ARHGAP32: variants seen among roughly 807,000 people sequenced by gnomAD.
ARHGAP32 encodes the protein Rho GTPase activating protein 32.
In ARHGAP32, 51 loss-of-function variants were observed where a neutral mutation model predicts 186.5. The observed-to-expected ratio is 0.27, with a 90% confidence interval of 0.22 to 0.35. The LOEUF (loss-of-function observed/expected upper bound fraction) is 0.35, where lower values mean the gene tolerates loss of function less well. ARHGAP32 is among the 10% of genes least tolerant of loss of function. ARHGAP32 has a pLI of 1.00. For missense variants in ARHGAP32, 2,186 were observed against 2,623.5 expected (o/e 0.83, Z 3.64); for synonymous variants, 950 against 964.3 (o/e 0.99, Z 0.27).
intron 6 of ARHGAP32, among the ~76,000 whole-genome samples, chr11:129,069,693 T>G (rs1238985073): frequency 2.0e-5 from 3 of 152,160 alleles, no homozygotes; most frequent in Non-Finnish European, 2.9e-5. Flanking sequence ...TGGTGATCAT[T>G]CACTTATGTT....
chr11:129,078,951 T>C (rs2135211196), intron 6 of ARHGAP32, among the ~76,000 whole-genome samples: 1 of 149,800 alleles, frequency 6.7e-6, no homozygotes, highest in South Asian at 2.1e-4. Context: ...AAGACACACT[T>C]AGAGAAATGC....
chr11:129,181,561 A>T (rs1944054025), intron 1 of ARHGAP32, among the ~76,000 whole-genome samples: 1 of 152,196 alleles, frequency 6.6e-6, no homozygotes, highest in Non-Finnish European at 1.5e-5. Context: ...CTCTTAAAAT[A>T]CAGGAACTCT....
intron 13 of ARHGAP32, among the ~76,000 whole-genome samples, 184 bp from the exon 14 acceptor site, chr11:128,986,852 C>T (rs566521753): frequency 6.6e-6 from 1 of 152,236 alleles, no homozygotes; most frequent in East Asian, 1.9e-4. Context: ...TGTCTTAGTA[C>T]AAGATAGATG....
intron 5 of ARHGAP32, among the ~76,000 whole-genome samples, chr11:129,116,610 A>T (rs529224159): frequency 2.2e-4 from 34 of 152,192 alleles, no homozygotes; most frequent in African/African-American, 7.2e-4. Context: ...CTTCTGTATA[A>T]GATTTTTTTA....
intron 2 of ARHGAP32, among the ~76,000 whole-genome samples, chr11:129,132,544 C>T (rs920233052): frequency 6.6e-6 from 1 of 151,568 alleles, no homozygotes. Context: ...GTTGAAAACA[C>T]CACCTATAAA....
chr11:129,076,723 A>G (rs997358017), intron 6 of ARHGAP32, among the ~76,000 whole-genome samples: 1 of 152,194 alleles, frequency 6.6e-6, no homozygotes, highest in Non-Finnish European at 1.5e-5. Context: ...GCATCAGAAA[A>G]GAAGAGAGGA....
chr11:129,158,817 A>T (rs188094171), intron 2 of ARHGAP32, among the ~76,000 whole-genome samples: 1 of 152,272 alleles, frequency 6.6e-6, no homozygotes, highest in African/African-American at 2.4e-5. Context: ...TGGAAGTAAA[A>T]CACTCCTCAG....
intron 1 of ARHGAP32, among the ~76,000 whole-genome samples, chr11:129,263,490 C>A (rs982825810): frequency 1.1e-4 from 17 of 151,260 alleles, no homozygotes; most frequent in Non-Finnish European, 2.5e-4. Context: ...CCATCACTAT[C>A]ATTAGGGAAA....
At chr11:129,201,543 T>G (rs1200911363) in intron 1 of ARHGAP32, among the ~76,000 whole-genome samples, 2 of 152,196 alleles carry the variant, frequency 1.3e-5, no homozygotes, top group African/African-American at 4.8e-5. Context: ...CAGAGTGTGA[T>G]TCTACTATTT....
intron 10 of ARHGAP32, among the ~76,000 whole-genome samples, chr11:129,052,820 T>C (rs1460818310): frequency 6.6e-6 from 1 of 152,126 alleles, no homozygotes; most frequent in Non-Finnish European, 1.5e-5. Context: ...CTCCTTTATA[T>C]CTGAAAATTT....
intron 2 of ARHGAP32, among the ~76,000 whole-genome samples, chr11:129,157,241 C>CAGA (rs1943429466): frequency 1.3e-5 from 2 of 152,022 alleles, no homozygotes; most frequent in Admixed American, 6.5e-5. Flanking sequence ...GACGAATTGA[C>CAGA]AGAAGCAGGC....
intron 19 of ARHGAP32, among the ~76,000 whole-genome samples, chr11:128,978,382 G>A (rs1224499665): frequency 6.6e-6 from 1 of 151,998 alleles, no homozygotes; most frequent in Non-Finnish European, 1.5e-5. Context: ...ACCTTCTTTA[G>A]TTAAAAGAGT....
intron 10 of ARHGAP32, among the ~76,000 whole-genome samples, chr11:129,046,951 C>T (rs1007324864): frequency 2.6e-5 from 4 of 151,826 alleles, no homozygotes; most frequent in African/African-American, 7.3e-5. Context: ...GGTGAAACCC[C>T]GTCTCTACTA....
At chr11:129,234,876 T>C (rs1944907706) in intron 1 of ARHGAP32, among the ~76,000 whole-genome samples, 1 of 152,142 alleles carries the variant, frequency 6.6e-6, no homozygotes, top group African/African-American at 2.4e-5. Flanking sequence ...CAATCCCTAT[T>C]TCACCATTCC....
rs369366318 is a variant in ARHGAP32 at position 129,205,640 on chromosome 11, G to A, written c.-4-41213C>T. Among the ~76,000 whole-genome samples the A allele has an allele frequency of 7.9e-5, 12 of 152,104 alleles. No homozygotes were observed. In the East Asian group the frequency reaches 1.7e-3, roughly 22 times the overall value. ...TTGTTGAAGTAATTACATGAAACAG[G>A]ATAAAGTCCTATATAGATGTTCAAA... On this transcript the variant is annotated intron_variant, in intron 1 of 6. Coordinates refer to the ARHGAP32 transcript ENST00000525234.
At chr11:129,045,864 T>C (rs1939784802) in intron 10 of ARHGAP32, among the ~76,000 whole-genome samples, 1 of 151,890 alleles carries the variant, frequency 6.6e-6, no homozygotes, top group South Asian at 2.1e-4. Flanking sequence ...CCCATGACGG[T>C]AAAGAAGTAG....
At chr11:129,217,939 T>C (rs1433929486) in intron 1 of ARHGAP32, among the ~76,000 whole-genome samples, 2 of 152,010 alleles carry the variant, frequency 1.3e-5, no homozygotes, top group Admixed American at 6.6e-5. Flanking sequence ...ACCTGCAAAA[T>C]TGGACTAATA....
chr11:129,197,796 A>C (rs1430806320), intron 1 of ARHGAP32, among the ~76,000 whole-genome samples: 1 of 152,140 alleles, frequency 6.6e-6, no homozygotes, highest in African/African-American at 2.4e-5. Context: ...TTTTTATAAC[A>C]ATCATTTTTG....
chr11:129,099,099 GA>G (rs1311765161), intron 5 of ARHGAP32, among the ~76,000 whole-genome samples: 8 of 152,200 alleles, frequency 5.3e-5, no homozygotes, highest in African/African-American at 1.9e-4. Flanking sequence ...ATAGAAAAAT[GA>G]GAGAAGTCCC....
Sources: gnomAD v4.1 joint callset for allele counts (sites outside exome capture counted in the v4.1 genomes callset) on GRCh38, gnomAD v4.1.1 for gene constraint, MANE v1.5 for transcripts, NCBI Gene and HGNC (gene_info 2026-07-23, HGNC 2026-07-21) for gene names.